AGBL4: variants seen among roughly 807,000 people sequenced by gnomAD.
The protein encoded by AGBL4 is cytosolic carboxypeptidase 6.
Under a neutral mutation model 66.4 loss-of-function variants are expected in AGBL4, and 58 were observed. The ratio of observed to expected loss-of-function variants is 0.87; its 90% CI spans 0.71 to 1.09. AGBL4 has a LOEUF of 1.09. Ranked by LOEUF, AGBL4 falls within the 50% of genes least tolerant of loss-of-function variation. AGBL4 has a pLI of 0.00. For missense variants in AGBL4, 579 were observed against 631.0 expected, an observed-to-expected ratio of 0.92 and a Z score of 0.88; for synonymous variants, 234 against 222.9, an observed-to-expected ratio of 1.05 and a Z score of -0.44.
intron 3 of AGBL4, among the ~76,000 whole-genome samples, chr1:49,577,013 T>C (rs749082441): frequency 5.8e-4 from 89 of 152,290 alleles, no homozygotes; most frequent in African/African-American, 1.6e-3. Context: ...TGGTCAGATG[T>C]GTGATTATAT....
intron 1 of AGBL4, among the ~76,000 whole-genome samples, chr1:49,937,434 G>C (rs925394952): frequency 6.6e-6 from 1 of 151,966 alleles, no homozygotes; most frequent in Non-Finnish European, 1.5e-5. Context: ...AGATCAACGA[G>C]ACAGAAAGTT....
chr1:48,623,333 C>T (rs929605430), intron 9 of AGBL4, among the ~76,000 whole-genome samples: 5 of 152,222 alleles, frequency 3.3e-5, no homozygotes, highest in Non-Finnish European at 7.3e-5. Context: ...GAAGGCCAGG[C>T]CATACCCAAG....
intron 3 of AGBL4, among the ~76,000 whole-genome samples, chr1:49,259,875 C>T (rs1482484343): frequency 3.3e-4 from 47 of 141,748 alleles, no homozygotes; most frequent in Admixed American, 6.5e-4. Flanking sequence ...CACCACACCA[C>T]ACCTATTCCA....
intron 1 of AGBL4, among the ~76,000 whole-genome samples, chr1:49,943,082 C>T (rs1214844826): frequency 1.3e-5 from 2 of 152,124 alleles, no homozygotes; most frequent in Non-Finnish European, 1.5e-5. Flanking sequence ...CATCACTAAT[C>T]ATCAGGCAAA....
intron 4 of AGBL4, among the ~76,000 whole-genome samples, chr1:49,202,803 C>A (rs79946483): frequency 6.6e-6 from 1 of 151,818 alleles, no homozygotes; most frequent in African/African-American, 2.4e-5. Flanking sequence ...AAAGAAACAA[C>A]CAACAGAGTG....
Position 49,160,016 on chromosome 1 carries a change from T to C in AGBL4, c.377+85754A>G, listed in dbSNP as rs539994872. On this transcript the variant is annotated intron_variant, in intron 4 of 13. Coordinates refer to ENST00000371839, the MANE Select transcript of AGBL4 (RefSeq NM_032785.4). ...CTTGCATTGGGTTAGAATGTGCTCC[T>C]TAAGCTTGGAAGAGTTTGTTATTAC... 3.3e-5 allele frequency among the ~76,000 whole-genome samples: 5 copies of C among 152,342 alleles called. No homozygotes were observed. The South Asian group carries it at 1.0e-3, about 32-fold the overall frequency.
At chr1:49,714,366 C>A (rs563527755) in intron 2 of AGBL4, among the ~76,000 whole-genome samples, 3 of 152,000 alleles carry the variant, frequency 2.0e-5, no homozygotes, top group Admixed American at 6.6e-5. Context: ...AGCATCCACT[C>A]TTATAATTCT....
intron 3 of AGBL4, among the ~76,000 whole-genome samples, chr1:49,552,392 G>A (rs935233968): frequency 5.9e-5 from 9 of 152,128 alleles, no homozygotes; most frequent in Non-Finnish European, 8.8e-5. Context: ...TTGCCCCCCT[G>A]CTCCTCTAGC....
At chr1:50,001,562 C>A (rs1427319281) in intron 1 of AGBL4, among the ~76,000 whole-genome samples, 1 of 151,162 alleles carries the variant, frequency 6.6e-6, no homozygotes, top group Non-Finnish European at 1.5e-5. Flanking sequence ...TAGTCTAAAA[C>A]GGGTTGCAAA....
chr1:48,779,997 A>G (rs755842359), intron 6 of AGBL4, among the ~76,000 whole-genome samples: 152 of 152,044 alleles, frequency 1.0e-3, no homozygotes, highest in Non-Finnish European at 1.6e-3. Flanking sequence ...TACAGATGTG[A>G]GCCACCGCGC....
chr1:49,898,516 G>C (rs1469744802), intron 1 of AGBL4, among the ~76,000 whole-genome samples: 3 of 152,084 alleles, frequency 2.0e-5, no homozygotes, highest in Admixed American at 2.0e-4. Flanking sequence ...CTGTTGGTGG[G>C]AATGTAAATT....
chr1:48,655,776 G>A (rs1464224917), intron 7 of AGBL4, among the ~76,000 whole-genome samples: 1 of 152,226 alleles, frequency 6.6e-6, no homozygotes, highest in Admixed American at 6.5e-5. Context: ...ATACCGAATG[G>A]TGGAAGCCAA....
rs1486350009 is a variant in AGBL4 at position 49,697,328 on chromosome 1, A to G, written c.267T>C (p.Asn89=). 1 of 1,546,858 alleles carries G rather than the reference A, an allele frequency of 6.5e-7. No homozygotes were observed. The highest frequency in any genetic ancestry group is 2.0e-5 in the Admixed American group (1 of 50,928). Residue 89 remains asparagine (N), a synonymous_variant, in exon 3 of 14, where the codon AAT becomes AAC. Transcript: ENST00000371839. ...FRVWFNFTVE[N]VKESQRVIFN... ...TTTCCCTCACCTGTGATTCTTTCAC[A>G]TTTTCAACAGTAAAGTTGAACCAGA...
intron 11 of AGBL4, among the ~76,000 whole-genome samples, chr1:48,545,119 C>T (rs903248251): frequency 1.3e-5 from 2 of 152,154 alleles, no homozygotes; most frequent in Admixed American, 6.5e-5. Flanking sequence ...GAAGCCTGAT[C>T]CCTTTCTCAC....
chr1:48,887,583 A>G (rs895892331), intron 5 of AGBL4, among the ~76,000 whole-genome samples: 1 of 152,138 alleles, frequency 6.6e-6, no homozygotes, highest in Non-Finnish European at 1.5e-5. Context: ...CTCAGAGAGA[A>G]TAGACGTCCC....
At chr1:49,261,237 G>C (rs1273136941) in intron 3 of AGBL4, among the ~76,000 whole-genome samples, 2 of 151,394 alleles carry the variant, frequency 1.3e-5, no homozygotes. Context: ...CATTCCCTTT[G>C]AAAACTGGCA....
intron 4 of AGBL4, among the ~76,000 whole-genome samples, chr1:49,075,693 A>G (rs1644696262): frequency 6.6e-6 from 1 of 152,222 alleles, no homozygotes; most frequent in Non-Finnish European, 1.5e-5. Context: ...GTCCGAGGAC[A>G]GGGAAACTAA....
chr1:49,503,912 C>G (rs992012906), intron 3 of AGBL4, among the ~76,000 whole-genome samples: 1 of 152,056 alleles, frequency 6.6e-6, no homozygotes, highest in Non-Finnish European at 1.5e-5. Flanking sequence ...TGCATGAAGA[C>G]TTTGGTAGAC....
chr1:48,564,699 G>C (rs576696311), intron 11 of AGBL4, among the ~76,000 whole-genome samples: 2 of 152,302 alleles, frequency 1.3e-5, no homozygotes, highest in East Asian at 3.9e-4. Flanking sequence ...TGAAACAATA[G>C]AGGGAGCAGT....
Sources: gnomAD v4.1 joint callset for allele counts (sites outside exome capture counted in the v4.1 genomes callset) on GRCh38, gnomAD v4.1.1 for gene constraint, MANE v1.5 for transcripts, NCBI Gene and HGNC (gene_info 2026-07-23, HGNC 2026-07-21) for gene names.